Variants in ADAMTS2 observed in about 807,000 individuals in gnomAD.
The protein encoded by ADAMTS2 is A disintegrin and metalloproteinase with thrombospondin motifs 2.
A neutral mutation model predicts 123.0 loss-of-function variants in ADAMTS2; 50 were observed. That is an observed-to-expected ratio of 0.41 (90% CI 0.32 to 0.51). The LOEUF (loss-of-function observed/expected upper bound fraction) is 0.51. Ranked by LOEUF, ADAMTS2 falls within the 20% of genes least tolerant of loss-of-function variation. The pLI is 0.35. For synonymous variants in ADAMTS2, 678 were observed against 695.4 expected (o/e 0.98, Z 0.39); for missense variants, 1,494 against 1,705.2 (o/e 0.88, Z 2.18).
chr5:179,196,468 A>G (rs1401803941), intron 4 of ADAMTS2, among the ~76,000 whole-genome samples: 3 of 152,198 alleles, frequency 2.0e-5, no homozygotes, highest in Non-Finnish European at 4.4e-5. Flanking sequence ...ACTATTCTGC[A>G]TGCCCGGAAA....
rs144045666 is a variant in ADAMTS2 at position 179,335,234 on chromosome 5, AAATT to A, written c.534+8529_534+8532del. On this transcript the variant is annotated intron_variant, in intron 2 of 21. Transcript: ENST00000251582. ...TTTTTAAAAAAAAAAGACACAGGTG[AAATT>A]AATTTCAGAAATATATTTTATTTAA... is the stretch of plus-strand genomic sequence containing the variant. Among the ~76,000 whole-genome samples, 6 of 152,340 alleles carry A rather than the reference AAATT, an allele frequency of 3.9e-5. No individual in the cohort carries two copies. In the East Asian group the frequency reaches 1.2e-3, roughly 29 times the overall value.
chr5:179,223,427 C>G (rs1765181688), intron 3 of ADAMTS2, among the ~76,000 whole-genome samples: 1 of 151,700 alleles, frequency 6.6e-6, no homozygotes, highest in African/African-American at 2.4e-5. Context: ...CACACATGCA[C>G]TCACACGAAC....
At chr5:179,233,097 C>T (rs1266266554) in intron 3 of ADAMTS2, among the ~76,000 whole-genome samples, 1 of 152,176 alleles carries the variant, frequency 6.6e-6, no homozygotes, top group Non-Finnish European at 1.5e-5. Context: ...GAGAAATCAC[C>T]ACTGTTTACT....
chr5:179,273,937 C>T (rs1384079947), intron 2 of ADAMTS2, among the ~76,000 whole-genome samples: 2 of 152,154 alleles, frequency 1.3e-5, no homozygotes, highest in East Asian at 1.9e-4. Context: ...GGGCTGGGTG[C>T]ACCCTGCCGA....
At chr5:179,246,731 C>T (rs543442337) in intron 3 of ADAMTS2, among the ~76,000 whole-genome samples, 93 of 152,284 alleles carry the variant, frequency 6.1e-4, no homozygotes, top group African/African-American at 2.0e-3. Flanking sequence ...TCTACAAAGA[C>T]GAGGAGAGTA....
rs533729117 is a variant in ADAMTS2 at position 179,162,694 on chromosome 5, G to A, written c.976-3815C>T. Among the ~76,000 whole-genome samples, 7 of 152,320 alleles carry A rather than the reference G, an allele frequency of 4.6e-5. No homozygotes were observed. The South Asian group carries it at 1.0e-3, about 23-fold the overall frequency. On this transcript the variant is annotated intron_variant, in intron 5 of 21. Transcript: ENST00000251582. The surrounding 1 kb of genome is among the most constrained non-coding windows in gnomAD (Gnocchi z 5.1). ...CTGCTTTTGATAGAATCTCAGTCCC[G>A]CCTACCGCAGGGCATGGACATTAAG... is the stretch of plus-strand genomic sequence containing the variant.
intron 3 of ADAMTS2, among the ~76,000 whole-genome samples, chr5:179,263,341 GAGC>G (rs1766280436): frequency 7.1e-6 from 1 of 140,652 alleles, no homozygotes; most frequent in South Asian, 2.5e-4. Flanking sequence ...ATGATTTGGG[GAGC>G]AGCATTATTC....
intron 2 of ADAMTS2, among the ~76,000 whole-genome samples, chr5:179,319,020 A>G (rs1404348272): frequency 6.6e-6 from 1 of 152,178 alleles, no homozygotes; most frequent in Non-Finnish European, 1.5e-5. Flanking sequence ...CAGCCCTGTT[A>G]TGACTGAGGG....
intron 3 of ADAMTS2, among the ~76,000 whole-genome samples, chr5:179,216,440 A>C (rs1764982636): frequency 6.6e-6 from 1 of 151,694 alleles, no homozygotes; most frequent in South Asian, 2.1e-4. Flanking sequence ...CGAGAGCTGG[A>C]GGCAGGCCGT....
Position 179,207,582 on chromosome 5 carries a change from C to T in ADAMTS2, c.822G>A (p.Val274=). The T allele has an allele frequency of 1.9e-6, 3 of 1,613,790 alleles. No homozygotes were observed. The highest frequency in any genetic ancestry group is 2.5e-6 in the Non-Finnish European group (3 of 1,180,012). Residue 274 remains valine (V), a synonymous_variant, in exon 4 of 22, where the codon GTG becomes GTA. Transcript: ENST00000251582. ...DDYNIEVLLG[V]DDSVVQFHGK... is the part of the protein sequence containing the mutation. ...CGTGGAACTGCACCACAGAGTCATC[C>T]ACGCCCAGCAGGACCTCGATGTTGT... is the stretch of plus-strand genomic sequence containing the variant.
intron 2 of ADAMTS2, among the ~76,000 whole-genome samples, chr5:179,299,345 C>G (rs1292601944): frequency 1.1e-4 from 2 of 17,940 alleles, no homozygotes; most frequent in Non-Finnish European, 2.8e-4. Flanking sequence ...CTGGCTAACA[C>G]GGTGAAATCC....
rs4700800 is a variant in ADAMTS2 at position 179,343,201 on chromosome 5, C to A, written c.534+566G>T. On this transcript the variant is annotated intron_variant, in intron 2 of 21. Transcript: ENST00000251582. Reference sequence around the variant, plus strand: ...GCCAGCTCCCTGGGCTGGTATTACCCGCACGCAAGGAAACAGGAAGACTGA... The same window carrying A: ...GCCAGCTCCCTGGGCTGGTATTACCAGCACGCAAGGAAACAGGAAGACTGA... Among the ~76,000 whole-genome samples, 4 of 152,108 alleles carry A rather than the reference C, an allele frequency of 2.6e-5. No individual in the cohort carries two copies. The South Asian group carries it at 6.2e-4, about 24-fold the overall frequency.
chr5:179,341,352 G>GA (rs906395479), intron 2 of ADAMTS2: 2 of 371,756 alleles, frequency 5.4e-6, no homozygotes, highest in Admixed American at 3.4e-5. Flanking sequence ...AAGAAAGAAA[G>GA]AAAAAAAGGA....
Position 179,312,230 on chromosome 5 carries a change from T to G in ADAMTS2, c.534+31537A>C, listed in dbSNP as rs955853114. Among the ~76,000 whole-genome samples the G allele has an allele frequency of 6.6e-6, 1 of 152,168 alleles. No individual in the cohort carries two copies. Among genetic ancestry groups the G allele is most frequent in the Non-Finnish European group, 1.5e-5 (1 of 68,032 alleles). On this transcript the variant is annotated intron_variant, in intron 2 of 21. Coordinates refer to ENST00000251582, the MANE Select transcript of ADAMTS2 (RefSeq NM_014244.5). The surrounding 1 kb of genome is among the most constrained non-coding windows in gnomAD (Gnocchi z 4.2). ...TCCAAGGATCCTGAGATGGAGTGACTGCTGGATTTTCCGGGTGGGCCCAGG... is the reference window on the plus strand; with the variant it reads ...TCCAAGGATCCTGAGATGGAGTGACGGCTGGATTTTCCGGGTGGGCCCAGG...
rs3776810 is a variant in ADAMTS2 at position 179,129,384 on chromosome 5, T to C, written c.2457+548A>G. Reference sequence around the variant, plus strand: ...GGAGCCTTATTTGTGATATGTACCTTTTTTGACAAATAAAATATATCCCTA... The same window carrying C: ...GGAGCCTTATTTGTGATATGTACCTCTTTTGACAAATAAAATATATCCCTA... On this transcript the variant is annotated intron_variant, in intron 16 of 21. Transcript: ENST00000251582. The surrounding 1 kb of genome is among the most constrained non-coding windows in gnomAD (Gnocchi z 4.1). Among the ~76,000 whole-genome samples the C allele has an allele frequency of 0.43, 66,014 of 152,084 alleles. 15,104 individuals carry two copies. Among genetic ancestry groups the C allele is most frequent in the Non-Finnish European group, 0.5 (34,034 of 67,964 alleles).
intron 19 of ADAMTS2, 191 bp from the exon 20 acceptor site, chr5:179,122,964 A>T (rs1166392221): frequency 1.3e-6 from 1 of 757,392 alleles, no homozygotes; most frequent in African/African-American, 1.7e-5. Flanking sequence ...GGGGCTCTAA[A>T]GAAGGGACCC....
intron 2 of ADAMTS2, among the ~76,000 whole-genome samples, chr5:179,297,459 G>T (rs1374284105): frequency 6.6e-6 from 1 of 151,974 alleles, no homozygotes; most frequent in Non-Finnish European, 1.5e-5. Context: ...TTGGTATGGG[G>T]ACCCCCTTCT....
intron 3 of ADAMTS2, among the ~76,000 whole-genome samples, chr5:179,259,019 C>T (rs752597755): frequency 3.9e-5 from 6 of 152,288 alleles, no homozygotes; most frequent in East Asian, 1.9e-4. Flanking sequence ...AGCCTCCTGC[C>T]GGCTCCCTGC....
intron 21 of ADAMTS2, chr5:179,120,912 T>A (rs984705479): frequency 2.0e-5 from 3 of 152,248 alleles, no homozygotes; most frequent in African/African-American, 7.2e-5. Flanking sequence ...ACCTTTCAAC[T>A]TTAAGGCATC....
Sources: allele counts gnomAD v4.1 joint callset (sites outside exome capture counted in the v4.1 genomes callset), GRCh38; gene constraint gnomAD v4.1.1; non-coding constraint Gnocchi (gnomAD v3.1); transcripts MANE v1.5; gene names NCBI Gene and HGNC (gene_info 2026-07-23, HGNC 2026-07-21).